The following EPHA4 variants were observed in gnomAD, a reference collection of about 807,000 sequenced individuals.
EPHA4 encodes the protein EPH receptor A4, also known as ephrin type-A receptor 4.
EPHA4 carries 19 observed loss-of-function variants against 108.3 expected under a neutral mutation model. That is an observed-to-expected ratio of 0.18 (90% CI 0.12 to 0.26). EPHA4 has a LOEUF of 0.26. Ranked by LOEUF, EPHA4 falls within the 10% of genes least tolerant of loss-of-function variation. The probability of loss-of-function intolerance (pLI) is 1.00; values close to 1 mark genes in which losing one functional copy is unlikely to be tolerated. For synonymous variants in EPHA4, 449 were observed against 455.5 expected (o/e 0.99, Z 0.18); for missense variants, 917 against 1,254.0 (o/e 0.73, Z 4.06).
At chr2:221,531,000 A>G (rs916583676) in intron 3 of EPHA4, among the ~76,000 whole-genome samples, 3 of 152,186 alleles carry the variant, frequency 2.0e-5, no homozygotes, top group African/African-American at 7.2e-5. Flanking sequence ...CAGCTAATTT[A>G]GAGAGTCACA....
At chr2:221,434,623 C>G (rs749946439) in intron 13 of EPHA4, among the ~76,000 whole-genome samples, 1 of 152,186 alleles carries the variant, frequency 6.6e-6, no homozygotes, top group South Asian at 2.1e-4. Flanking sequence ...TGATATGTAG[C>G]TGACATTTGT....
chr2:221,440,604 G>T (rs533003269), intron 11 of EPHA4, among the ~76,000 whole-genome samples: 3 of 142,298 alleles, frequency 2.1e-5, no homozygotes, highest in Admixed American at 6.9e-5. Context: ...TCTCACCAAG[G>T]TTCCTTTTTT....
At chr2:221,499,715 A>ATTATATATAT (rs1322169477) in intron 4 of EPHA4, among the ~76,000 whole-genome samples, 26 of 48,450 alleles carry the variant, frequency 5.4e-4, no homozygotes, top group Non-Finnish European at 6.5e-4. Flanking sequence ...AACTAAAACT[A>ATTATATATAT]ATATATATAT....
At position 221,440,502 on chromosome 2, in the gene EPHA4, A is replaced by G. The variant is rs564620826; in HGVS notation, c.2074+2327T>C. Among the ~76,000 whole-genome samples, 5 of 152,298 alleles carry G rather than the reference A, an allele frequency of 3.3e-5. No homozygotes were observed. In the East Asian group the frequency reaches 9.6e-4, roughly 29 times the overall value. Reference sequence around the variant, plus strand: ...CCCTGAAGGCCACAGGCAACAGAAAAATATCCTGTCTGTAAAACTAATCTC... The same window carrying G: ...CCCTGAAGGCCACAGGCAACAGAAAGATATCCTGTCTGTAAAACTAATCTC... On this transcript the variant is annotated intron_variant, in intron 11 of 17. Transcript: ENST00000281821.
chr2:221,555,567 G>C (rs542923260), intron 3 of EPHA4, among the ~76,000 whole-genome samples: 1 of 152,184 alleles, frequency 6.6e-6, no homozygotes, highest in African/African-American at 2.4e-5. Flanking sequence ...TGTTCATTTA[G>C]TCATGGGATT....
chr2:221,562,435 T>G (rs1166360215), intron 3 of EPHA4, among the ~76,000 whole-genome samples: 1 of 152,206 alleles, frequency 6.6e-6, no homozygotes, highest in Non-Finnish European at 1.5e-5. Context: ...AACTGGATTT[T>G]CAGTCAATCA....
intron 15 of EPHA4, 67 bp downstream of exon 15, chr2:221,429,891 A>C (rs974671130): frequency 5.8e-6 from 9 of 1,557,316 alleles, no homozygotes; most frequent in Non-Finnish European, 7.9e-6. Context: ...AATTTAAGTG[A>C]GTCACCACTT....
At chr2:221,499,750 ATATATATTTTT>A (rs1192297213) in intron 4 of EPHA4, among the ~76,000 whole-genome samples, 6 of 46,534 alleles carry the variant, frequency 1.3e-4, no homozygotes, top group African/African-American at 7.3e-4. Flanking sequence ...ATATATATAT[ATATATATTTTT>A]TTTTTTTTTT....
chr2:221,505,190 C>T (rs189198515), intron 3 of EPHA4, among the ~76,000 whole-genome samples: 54 of 152,264 alleles, frequency 3.5e-4, no homozygotes, highest in African/African-American at 1.2e-3. Flanking sequence ...ATAAAATATA[C>T]ACCAGATACC....
At chr2:221,572,392 A>C, upstream of EPHA4, 1 of 656,456 alleles carries the variant, frequency 1.5e-6, no homozygotes, top group East Asian at 2.9e-5. Context: ...CCCGCGGCCA[A>C]TGGCGGCGCA....
intron 15 of EPHA4, among the ~76,000 whole-genome samples, chr2:221,427,303 A>G (rs1485212398): frequency 1.3e-5 from 2 of 152,306 alleles, no homozygotes; most frequent in Non-Finnish European, 2.9e-5. Context: ...GTTCCTGAAT[A>G]ATGATTTCAA....
chr2:221,502,124 C>T (rs946830039), intron 3 of EPHA4, among the ~76,000 whole-genome samples: 1 of 152,074 alleles, frequency 6.6e-6, no homozygotes, highest in African/African-American at 2.4e-5. Context: ...CACTAAGGAC[C>T]ACTTTTAGTA....
At chr2:221,510,472 T>C (rs1257501775) in intron 3 of EPHA4, among the ~76,000 whole-genome samples, 6 of 152,210 alleles carry the variant, frequency 3.9e-5, no homozygotes, top group Admixed American at 3.3e-4. Flanking sequence ...CCTCCCATTT[T>C]TCCCCTCTTA....
At chr2:221,482,725 C>G (rs1319401005) in intron 4 of EPHA4, 35 bp from the exon 5 acceptor site, 2 of 1,523,440 alleles carry the variant, frequency 1.3e-6, no homozygotes, top group South Asian at 2.4e-5. Flanking sequence ...ACACCAAGAA[C>G]CGAAATACCC....
At chr2:221,447,083 T>C (rs1310789727) in intron 8 of EPHA4, among the ~76,000 whole-genome samples, 2 of 152,162 alleles carry the variant, frequency 1.3e-5, no homozygotes, top group Admixed American at 6.5e-5. Flanking sequence ...TGAATATATA[T>C]ACATAGTGAG....
chr2:221,427,779 T>C (rs1014949021), intron 15 of EPHA4, among the ~76,000 whole-genome samples: 54 of 152,214 alleles, frequency 3.5e-4, no homozygotes, highest in Non-Finnish European at 6.2e-4. Flanking sequence ...TAAGTCGATA[T>C]AATGCTTTAC....
At chr2:221,507,221 C>T (rs188038118) in intron 3 of EPHA4, among the ~76,000 whole-genome samples, 3 of 152,248 alleles carry the variant, frequency 2.0e-5, no homozygotes, top group East Asian at 3.9e-4. Flanking sequence ...GCAGTGCCTC[C>T]CCAAGTTTTG....
chr2:221,439,191 C>T (rs1690336125), intron 11 of EPHA4, among the ~76,000 whole-genome samples: 1 of 152,054 alleles, frequency 6.6e-6, no homozygotes, highest in Non-Finnish European at 1.5e-5. Flanking sequence ...TGGTGCAGAC[C>T]AAAGGTGCAT....
At chr2:221,563,590 A>G in intron 3 of EPHA4, 141 bp downstream of exon 3, 1 of 900,100 alleles carries the variant, frequency 1.1e-6, no homozygotes, top group Non-Finnish European at 1.7e-6. Context: ...CTGGAGCTAT[A>G]GCACTTACTC....
Sources: gnomAD v4.1 joint callset for allele counts (sites outside exome capture counted in the v4.1 genomes callset) on GRCh38, gnomAD v4.1.1 for gene constraint, MANE v1.5 for transcripts, NCBI Gene and HGNC (gene_info 2026-07-23, HGNC 2026-07-21) for gene names.